GPC5: variants seen among roughly 807,000 people sequenced by gnomAD.
GPC5 encodes glypican-5.
GPC5 carries 47 observed loss-of-function variants against 53.9 expected under a neutral mutation model. That is an observed-to-expected ratio of 0.87 (90% CI 0.69 to 1.11). GPC5 has a LOEUF of 1.11. GPC5 is among the 50% of genes most tolerant of loss of function. GPC5 has a pLI of 0.00. For missense variants in GPC5, 748 were observed against 713.1 expected (o/e 1.05, Z -0.56); for synonymous variants, 286 against 263.3 (o/e 1.09, Z -0.84).
intron 7 of GPC5, among the ~76,000 whole-genome samples, chr13:92,377,295 G>A (rs2043703143): frequency 6.6e-6 from 1 of 152,156 alleles, no homozygotes. Flanking sequence ...ACACTGTTTA[G>A]TAAGTGTATA....
At chr13:91,951,318 A>G (rs900258475) in intron 6 of GPC5, among the ~76,000 whole-genome samples, 27 of 152,152 alleles carry the variant, frequency 1.8e-4, no homozygotes, top group African/African-American at 5.5e-4. Context: ...ACTAAAATTG[A>G]CAAACATTGT....
chr13:91,582,969 C>T (rs1226112708), intron 2 of GPC5, among the ~76,000 whole-genome samples: 5 of 152,018 alleles, frequency 3.3e-5, no homozygotes, highest in Non-Finnish European at 7.4e-5. Flanking sequence ...CCACTGCACC[C>T]CAGCCTGTTT....
rs74756532 is a variant in GPC5, at chr13:91,777,590, A to T, written c.1280+21170A>T. Among the ~76,000 whole-genome samples, 43 of 152,322 alleles carry T rather than the reference A, an allele frequency of 2.8e-4. No individual in the cohort carries two copies. The East Asian group carries it at 3.1e-3, about 11-fold the overall frequency. On this transcript the variant is annotated intron_variant, in intron 5 of 7. Coordinates refer to ENST00000377067, the MANE Select transcript of GPC5 (RefSeq NM_004466.6). ...AGTATGTTCCGTGAAGGCGCTGCAA[A>T]GTTGTTAATAGATTTCTTAAATTTC... is the stretch of plus-strand genomic sequence containing the variant.
At chr13:92,385,743 A>G (rs1295245393) in intron 7 of GPC5, among the ~76,000 whole-genome samples, 1 of 140,188 alleles carries the variant, frequency 7.1e-6, no homozygotes, top group South Asian at 2.2e-4. Flanking sequence ...ATATATACGT[A>G]TATATACACG....
intron 7 of GPC5, among the ~76,000 whole-genome samples, chr13:92,381,645 A>G (rs895190011): frequency 1.3e-5 from 2 of 150,756 alleles, no homozygotes; most frequent in African/African-American, 5.0e-5. Context: ...CAATCCCACT[A>G]CTGGGTATCT....
intron 6 of GPC5, among the ~76,000 whole-genome samples, chr13:92,101,551 G>T (rs1473509920): frequency 2.6e-5 from 4 of 152,166 alleles, no homozygotes; most frequent in Non-Finnish European, 5.9e-5. Flanking sequence ...CAAACAAATT[G>T]GAGGAAATGA....
rs146292689 is a variant in GPC5 at position 92,704,065 on chromosome 13, A to G, written c.1562-162217A>G. Among the ~76,000 whole-genome samples the G allele has an allele frequency of 5.3e-5, 8 of 152,216 alleles. No individual in the cohort carries two copies. In the East Asian group the frequency reaches 1.5e-3, roughly 29 times the overall value. On this transcript the variant is annotated intron_variant, in intron 7 of 7. Transcript: ENST00000377067. ...TATGTTAACTTGGACTATGCAAGTAATTCTGGCTGGATGACACACTGAAGT... is the reference window on the plus strand; with the variant it reads ...TATGTTAACTTGGACTATGCAAGTAGTTCTGGCTGGATGACACACTGAAGT...
chr13:91,887,745 T>C (rs1488860108), intron 5 of GPC5, among the ~76,000 whole-genome samples: 1 of 152,182 alleles, frequency 6.6e-6, no homozygotes, highest in South Asian at 2.1e-4. Context: ...AACAAGCTCC[T>C]CATCTCCATC....
At chr13:91,621,761 T>TTATATATATATATATATA (rs1555331079) in intron 2 of GPC5, among the ~76,000 whole-genome samples, 1 of 46,864 alleles carries the variant, frequency 2.1e-5, no homozygotes, top group African/African-American at 5.6e-5. Flanking sequence ...GGACAGAACA[T>TTATATATATATATATATA]TATATATATA....
chr13:92,075,233 TAGAA>T (rs1419778104), intron 6 of GPC5, among the ~76,000 whole-genome samples: 1 of 152,162 alleles, frequency 6.6e-6, no homozygotes. Context: ...AAAATGTTCT[TAGAA>T]AGATTCTCAT....
chr13:91,546,400 A>G lies in GPC5; in HGVS notation c.325+97478A>G, dbSNP rs182304163. Among the ~76,000 whole-genome samples the G allele has an allele frequency of 1.8e-4, 28 of 152,262 alleles. No homozygotes were observed. The East Asian group carries it at 5.0e-3, about 27-fold the overall frequency. ...TATGCAAAAAAGGCCATTGCAAATT[A>G]TAAGGCAGACCTTAAATCAATTTCT... On this transcript the variant is annotated intron_variant, in intron 2 of 7. Transcript: ENST00000377067.
At chr13:92,795,273 A>T (rs1876628216) in intron 7 of GPC5, among the ~76,000 whole-genome samples, 1 of 152,196 alleles carries the variant, frequency 6.6e-6, no homozygotes, top group African/African-American at 2.4e-5. Context: ...TACAAAAACA[A>T]GAAATGGGGA....
chr13:91,985,028 G>GT (rs1463233858), intron 6 of GPC5, among the ~76,000 whole-genome samples: 4 of 152,068 alleles, frequency 2.6e-5, no homozygotes, highest in Admixed American at 6.5e-5. Flanking sequence ...TATTTTATAT[G>GT]TTTTTTCTAA....
At chr13:92,298,328 A>C (rs991370792) in intron 7 of GPC5, among the ~76,000 whole-genome samples, 2 of 152,080 alleles carry the variant, frequency 1.3e-5, no homozygotes, top group African/African-American at 2.4e-5. Context: ...CCCTCCCCCA[A>C]GTTCTGTTCA....
At chr13:92,279,618 T>A (rs1215423840) in intron 7 of GPC5, among the ~76,000 whole-genome samples, 1 of 151,942 alleles carries the variant, frequency 6.6e-6, no homozygotes, top group Non-Finnish European at 1.5e-5. Context: ...TTTTTTATTA[T>A]TATTATTATG....
intron 2 of GPC5, among the ~76,000 whole-genome samples, chr13:91,456,410 T>C (rs2139124493): frequency 6.6e-6 from 1 of 152,148 alleles, no homozygotes. Context: ...AAACAATTAT[T>C]AGCTTCTTTT....
At chr13:92,637,182 T>G (rs1440396651) in intron 7 of GPC5, among the ~76,000 whole-genome samples, 1 of 152,192 alleles carries the variant, frequency 6.6e-6, no homozygotes, top group Non-Finnish European at 1.5e-5. Context: ...AAAATGATTT[T>G]TCTGAAGAGA....
chr13:92,634,304 G>A (rs2139138021), intron 7 of GPC5, among the ~76,000 whole-genome samples: 1 of 152,168 alleles, frequency 6.6e-6, no homozygotes, highest in African/African-American at 2.4e-5. Context: ...ATCTGTTCCT[G>A]AAGTTTGGAT....
Position 91,781,269 on chromosome 13 carries a change from A to G in GPC5, c.1280+24849A>G, listed in dbSNP as rs530903795. Among the ~76,000 whole-genome samples, 22 of 152,350 alleles carry G rather than the reference A, an allele frequency of 1.4e-4. 1 individual carries two copies. Among genetic ancestry groups the G allele is most frequent in the Admixed American group, 7.8e-4 (12 of 15,298 alleles). On this transcript the variant is annotated intron_variant, in intron 5 of 7. Transcript: ENST00000377067. ...TTGAAGCTGCATTTTCTTGGCCAAC[A>G]CTGGCTTCCAGTTTGAAAGAACTGT...
Sources: gnomAD v4.1 joint callset for allele counts (sites outside exome capture counted in the v4.1 genomes callset) on GRCh38, gnomAD v4.1.1 for gene constraint, MANE v1.5 for transcripts, NCBI Gene and HGNC (gene_info 2026-07-23, HGNC 2026-07-21) for gene names.